Variants in ABCA10 observed in about 807,000 individuals in gnomAD.
ABCA10 encodes the protein ATP-binding cassette sub-family A member 10.
ABCA10 carries 169 observed loss-of-function variants against 187.5 expected under a neutral mutation model. The observed-to-expected ratio is 0.90, with a 90% CI of 0.80 to 1.02. The LOEUF is 1.02. ABCA10 is among the 50% of genes least tolerant of loss of function. ABCA10 has a pLI of 0.00. For synonymous variants in ABCA10, 574 were observed against 601.8 expected (o/e 0.95, Z 0.68); for missense variants, 1,727 against 1,812.4 (o/e 0.95, Z 0.86).
intron 1 of ABCA10, among the ~76,000 whole-genome samples, chr17:69,236,438 A>C (rs1175399684): frequency 6.6e-6 from 1 of 152,240 alleles, no homozygotes; most frequent in Non-Finnish European, 1.5e-5. Flanking sequence ...AAATATGCAC[A>C]AAGACCTTGA....
intron 22 of ABCA10, among the ~76,000 whole-genome samples, chr17:69,176,545 T>C (rs2074335197): frequency 1.3e-5 from 2 of 152,020 alleles, no homozygotes; most frequent in African/African-American, 4.8e-5. Flanking sequence ...AAGAACCAGA[T>C]TACCAGGGGC....
chr17:69,149,199 G>T, intron 37 of ABCA10, 111 bp from the exon 38 acceptor site: 1 of 1,132,262 alleles, frequency 8.8e-7, no homozygotes, highest in Non-Finnish European at 1.3e-6. Context: ...TAAGATATAG[G>T]CCAAATAATT....
At chr17:69,228,379 CTTTCA>C (rs2074809273) in intron 1 of ABCA10, among the ~76,000 whole-genome samples, 197 bp downstream of exon 1, 1 of 151,818 alleles carries the variant, frequency 6.6e-6, no homozygotes. Flanking sequence ...ATCTAGCCAT[CTTTCA>C]TTTATCACAC....
chr17:69,215,342 T>C (rs2074695705), intron 8 of ABCA10: 1 of 158,254 alleles, frequency 6.3e-6, no homozygotes, highest in Non-Finnish European at 1.4e-5. Flanking sequence ...GTACTAGTGC[T>C]ATATGTATAT....
chr17:69,240,622 C>T (rs893316917), intron 1 of ABCA10, among the ~76,000 whole-genome samples: 14 of 152,172 alleles, frequency 9.2e-5, no homozygotes, highest in African/African-American at 3.1e-4. Flanking sequence ...TTTTGGTGGT[C>T]TGTCTTCTGA....
chr17:69,153,941 G>A lies in ABCA10; in HGVS notation c.3855C>T (p.Tyr1285=), dbSNP rs1174284394. 3 of 1,613,962 alleles carry A rather than the reference G, an allele frequency of 1.9e-6. No homozygotes were observed. The highest frequency in any genetic ancestry group is 1.3e-5 in the African/African-American group (1 of 74,906). Residue 1285 remains tyrosine, a synonymous_variant, in exon 32 of 39, where the codon TAC becomes TAT. Transcript: ENST00000690296. ...QHDNSLKFLG[Y]CPQENSLWPK... ...GCCACAGTGAGTTCTCCTGAGGGCA[G>A]TACCCCAAGAACTTGAGGCTGTTGT...
chr17:69,232,431 CA>C (rs376829421), upstream of ABCA10, among the ~76,000 whole-genome samples: 1,088 of 151,326 alleles, frequency 7.2e-3, 15 homozygotes, highest in African/African-American at 0.025. Flanking sequence ...GTAAGGCTGA[CA>C]AAAAAACATC....
At chr17:69,198,870 G>C (rs1261014915) in intron 10 of ABCA10, among the ~76,000 whole-genome samples, 1 of 152,070 alleles carries the variant, frequency 6.6e-6, no homozygotes, top group Non-Finnish European at 1.5e-5. Flanking sequence ...CAAAGTTCTG[G>C]TTACCTAATT....
intron 9 of ABCA10, among the ~76,000 whole-genome samples, chr17:69,210,865 T>TATATATATATATA (rs1555662878): frequency 1.4e-5 from 2 of 145,562 alleles, no homozygotes; most frequent in African/African-American, 5.4e-5. Context: ...TATATATATA[T>TATATATATATATA]GCCATATTTC....
Position 69,174,323 on chromosome 17 carries a change from C to T in ABCA10, c.3120G>A (p.Lys1040=), listed in dbSNP as rs1487487774. Residue 1040 remains lysine, a synonymous_variant, in exon 25 of 39, where the codon AAG becomes AAA. Transcript: ENST00000690296. The stretch of plus-strand genomic sequence containing the variant: ...ACCAAAAGCCATTATTTTTTCTCCA[C>T]TTGCGAAAGATGAATGAAAGCACAT... The part of the protein sequence containing the change: ...LTYVLSFIFR[K]WRKNNGFWSF... 1.2e-6 allele frequency: 2 copies of T among 1,609,036 alleles called. No homozygotes were observed. The highest frequency in any genetic ancestry group is 1.7e-6 in the Non-Finnish European group (2 of 1,178,290).
chr17:69,181,348 T>C (rs952355643), intron 22 of ABCA10, among the ~76,000 whole-genome samples: 10 of 152,186 alleles, frequency 6.6e-5, no homozygotes, highest in African/African-American at 2.4e-4. Context: ...AAGTTGTATA[T>C]GGTAAACCAA....
Position 69,148,759 on chromosome 17 carries a change from T to C in ABCA10, c.*68A>G, listed in dbSNP as rs780252647. 5.5e-6 allele frequency: 7 copies of C among 1,267,684 alleles called. No homozygotes were observed. Among genetic ancestry groups the C allele is most frequent in the Non-Finnish European group, 7.9e-6 (7 of 890,762 alleles). 78.5% of individuals were successfully genotyped at this position (1,267,684 alleles called of 1,614,324 possible). On this transcript the variant is annotated 3_prime_UTR_variant, in exon 39 of 39. Coordinates refer to ENST00000690296, the MANE Select transcript of ABCA10 (RefSeq NM_001377321.1). ...TTGTTAACTGAAGTAAAAGGAAACA[T>C]TCTTGTAGAATTATGGAAACTAACA...
intron 18 of ABCA10, 70 bp from the exon 19 acceptor site, chr17:69,187,949 T>A (rs2074434679): frequency 7.7e-6 from 11 of 1,426,206 alleles, no homozygotes; most frequent in Non-Finnish European, 1.1e-5. Flanking sequence ...ACTTTGAAAA[T>A]GATGTTAGAC....
At chr17:69,199,969 T>C (rs546486354) in intron 10 of ABCA10, among the ~76,000 whole-genome samples, 2 of 152,296 alleles carry the variant, frequency 1.3e-5, no homozygotes, top group African/African-American at 2.4e-5. Flanking sequence ...CTAAAAATTA[T>C]AGAATTTGAG....
intron 9 of ABCA10, among the ~76,000 whole-genome samples, chr17:69,205,977 G>A (rs535679313): frequency 1.3e-5 from 2 of 152,210 alleles, no homozygotes; most frequent in South Asian, 2.1e-4. Context: ...ATCATGAAGC[G>A]GAAATGGTAA....
intron 27 of ABCA10, among the ~76,000 whole-genome samples, chr17:69,162,178 G>T (rs183455978): frequency 5.3e-5 from 8 of 152,318 alleles, no homozygotes; most frequent in Admixed American, 3.3e-4. Flanking sequence ...ATTCAATGGA[G>T]ATTTTAAACA....
At chr17:69,237,161 A>G (rs2074877027) in intron 1 of ABCA10, among the ~76,000 whole-genome samples, 3 of 152,210 alleles carry the variant, frequency 2.0e-5, no homozygotes, top group African/African-American at 7.2e-5. Context: ...GACAAGTCTT[A>G]CGTTCTATGA....
chr17:69,187,447 G>C (rs1474138913), intron 19 of ABCA10, among the ~76,000 whole-genome samples: 1 of 152,102 alleles, frequency 6.6e-6, no homozygotes, highest in Non-Finnish European at 1.5e-5. Context: ...CTGGTCTCCT[G>C]TCTCCTTGTG....
intron 1 of ABCA10, among the ~76,000 whole-genome samples, chr17:69,237,832 T>C (rs1020624567): frequency 5.3e-5 from 8 of 152,046 alleles, no homozygotes; most frequent in Admixed American, 3.3e-4. Context: ...GTGACAAGAT[T>C]GGAGATAAGC....
Sources: allele counts gnomAD v4.1 joint callset (sites outside exome capture counted in the v4.1 genomes callset), GRCh38; gene constraint gnomAD v4.1.1; transcripts MANE v1.5; gene names NCBI Gene and HGNC (gene_info 2026-07-23, HGNC 2026-07-21).